SAXO2: variants seen among roughly 807,000 people sequenced by gnomAD.
SAXO2 encodes the protein stabilizer of axonemal microtubules 2.
SAXO2 carries 17 observed loss-of-function variants against 18.7 expected under a neutral mutation model. That is an observed-to-expected ratio of 0.91 (90% CI 0.62 to 1.36). The LOEUF (loss-of-function observed/expected upper bound fraction) is 1.36. Ranked by LOEUF, SAXO2 falls within the 40% of genes most tolerant of loss-of-function variation. The pLI is 0.00. For missense variants in SAXO2, 486 were observed against 562.6 expected, an observed-to-expected ratio of 0.86 and a Z score of 1.38; for synonymous variants, 163 against 181.2, an observed-to-expected ratio of 0.90 and a Z score of 0.81.
At chr15:82,266,805 A>G (rs1472418374) in intron 2 of SAXO2, among the ~76,000 whole-genome samples, 2 of 152,222 alleles carry the variant, frequency 1.3e-5, no homozygotes, top group Non-Finnish European at 2.9e-5. Context: ...AGCAGGAACT[A>G]AGTCTATTGT....
chr15:82,279,997 C>A (rs189755719), intron 3 of SAXO2, among the ~76,000 whole-genome samples: 1 of 152,142 alleles, frequency 6.6e-6, no homozygotes, highest in Non-Finnish European at 1.5e-5. Flanking sequence ...TGCCACATAA[C>A]CAAACTGTAT....
rs190726032 is a variant in SAXO2 at position 82,268,573 on chromosome 15, G to C, written c.233+2825G>C. Among the ~76,000 whole-genome samples, 32 of 152,300 alleles carry C rather than the reference G, an allele frequency of 2.1e-4. 1 individual carries two copies. The East Asian group carries it at 6.2e-3, about 29-fold the overall frequency. On this transcript the variant is annotated intron_variant, in intron 2 of 3. Coordinates refer to ENST00000682753, the MANE Select transcript of SAXO2 (RefSeq NM_001348699.2). ...ACTCTTGCTTGACTCTCTCATGTTGGCTGTGTTGACTAGGCAGTAGAAAGT... is the reference window on the plus strand; with the variant it reads ...ACTCTTGCTTGACTCTCTCATGTTGCCTGTGTTGACTAGGCAGTAGAAAGT...
intron 1 of SAXO2, chr15:82,263,220 A>G: frequency 6.8e-7 from 1 of 1,463,362 alleles, no homozygotes; most frequent in Non-Finnish European, 9.0e-7. Flanking sequence ...GCGACGGGAT[A>G]TAACGCTGGT....
rs776714245 is a variant in SAXO2 at position 82,262,835 on chromosome 15, TG to T, written c.-42del. The T allele has an allele frequency of 1.7e-5, 27 of 1,550,776 alleles. No individual in the cohort carries two copies. The highest frequency in any genetic ancestry group is 2.4e-5 in the Non-Finnish European group (27 of 1,147,126). On this transcript the variant is annotated 5_prime_UTR_variant, in exon 1 of 4. Coordinates refer to ENST00000682753, the MANE Select transcript of SAXO2 (RefSeq NM_001348699.2). ...GTTGCCTTGACTACGGCGGGCGCTG[TG>T]GGAGTGGAGAAGCTGCAAGTGCTGA...
chr15:82,265,275 G>T (rs1295867080), intron 1 of SAXO2, among the ~76,000 whole-genome samples: 4 of 152,118 alleles, frequency 2.6e-5, no homozygotes, highest in Non-Finnish European at 5.9e-5. Flanking sequence ...TGAGTAGCTG[G>T]GACTACAGGG....
At chr15:82,276,193 G>A (rs565895338) in intron 3 of SAXO2, among the ~76,000 whole-genome samples, 1 of 152,214 alleles carries the variant, frequency 6.6e-6, no homozygotes, top group African/African-American at 2.4e-5. Context: ...TCTAATGAAG[G>A]AGGTGAAAGA....
intron 3 of SAXO2, among the ~76,000 whole-genome samples, chr15:82,276,316 A>G (rs1201735882): frequency 6.6e-6 from 1 of 151,378 alleles, no homozygotes; most frequent in Non-Finnish European, 1.5e-5. Context: ...CAATCTGCAC[A>G]TTACCAATAT....
At chr15:82,264,368 A>AT (rs112443463) in intron 1 of SAXO2, among the ~76,000 whole-genome samples, 6,805 of 142,304 alleles carry the variant, frequency 0.048, 176 homozygotes, top group African/African-American at 0.081. Context: ...GCCTGCATTG[A>AT]TTTTTTTTTT....
intron 3 of SAXO2, among the ~76,000 whole-genome samples, chr15:82,281,055 A>C (rs555849288): frequency 6.6e-6 from 1 of 152,224 alleles, no homozygotes; most frequent in Admixed American, 6.5e-5. Flanking sequence ...TAAATATTGC[A>C]TAGACTTTAG....
intron 2 of SAXO2, among the ~76,000 whole-genome samples, chr15:82,266,402 A>C (rs1452977989): frequency 1.3e-5 from 2 of 152,236 alleles, no homozygotes; most frequent in African/African-American, 4.8e-5. Context: ...TTCTCTGCTT[A>C]AGATACTCTT....
At position 82,271,721 on chromosome 15, in the gene SAXO2, A is replaced by C; in HGVS notation, c.352A>C (p.Lys118Gln). Reference sequence around the variant, plus strand: ...CTACAAACGGGATTTGAATTCGTATAAAGTGCAGCCTGTGGCAATAGTCCG... The same window carrying C: ...CTACAAACGGGATTTGAATTCGTATCAAGTGCAGCCTGTGGCAATAGTCCG... ...TTYKRDLNSY[K>Q]VQPVAIVRPL... Residue 118 changes from lysine (K) to glutamine (Q), a missense_variant, in exon 3 of 4, where the codon AAA (lysine) becomes CAA (glutamine). Transcript: ENST00000682753. The C allele has an allele frequency of 6.2e-7, 1 of 1,614,188 alleles. No individual in the cohort carries two copies. The highest frequency in any genetic ancestry group is 8.5e-7 in the Non-Finnish European group (1 of 1,180,000).
intron 2 of SAXO2, among the ~76,000 whole-genome samples, chr15:82,267,406 G>C (rs1178038429): frequency 6.6e-6 from 1 of 152,208 alleles, no homozygotes; most frequent in Non-Finnish European, 1.5e-5. Flanking sequence ...TCAGTGAGCA[G>C]AGTGGTGACT....
At chr15:82,267,825 G>A (rs1235913564) in intron 2 of SAXO2, among the ~76,000 whole-genome samples, 1 of 152,100 alleles carries the variant, frequency 6.6e-6, no homozygotes, top group African/African-American at 2.4e-5. Context: ...CCATCTAGAA[G>A]TGTTAAAATT....
At chr15:82,266,726 T>C (rs1243886156) in intron 2 of SAXO2, among the ~76,000 whole-genome samples, 1 of 152,224 alleles carries the variant, frequency 6.6e-6, no homozygotes, top group Non-Finnish European at 1.5e-5. Context: ...TTAGGTAAAA[T>C]TCTTCTATGT....
chr15:82,281,322 T>G (rs2075360084), intron 3 of SAXO2, among the ~76,000 whole-genome samples: 1 of 152,224 alleles, frequency 6.6e-6, no homozygotes, highest in Non-Finnish European at 1.5e-5. Flanking sequence ...TGACCCAAAA[T>G]GCTCCACAGT....
chr15:82,270,569 TG>T (rs1328268165), intron 2 of SAXO2, among the ~76,000 whole-genome samples: 1 of 152,186 alleles, frequency 6.6e-6, no homozygotes, highest in Non-Finnish European at 1.5e-5. Flanking sequence ...GTGAGGGTTT[TG>T]GGTTTCTTTG....
Position 82,265,014 on chromosome 15 carries a change from T to C in SAXO2, c.54-555T>C. ...TTCCCTATTAGCTTTTCAGCTTCTA[T>C]AGTGTAAGAAGACACTAAATTGTTA... On this transcript the variant is annotated intron_variant, in intron 1 of 3. Transcript: ENST00000682753. The C allele has an allele frequency of 6.3e-6, 3 of 474,848 alleles. No individual in the cohort carries two copies. In the East Asian group the frequency reaches 1.0e-4, roughly 16 times the overall value. The allele number at this position is 474,848 out of a possible 1,614,324, so 29.4% of individuals were successfully genotyped here. A position where few individuals can be genotyped will look rare whatever the true frequency, so the allele number is the denominator to read the frequency against.
At chr15:82,269,573 T>C (rs2075251674) in intron 2 of SAXO2, among the ~76,000 whole-genome samples, 1 of 152,114 alleles carries the variant, frequency 6.6e-6, no homozygotes. Flanking sequence ...TTTTCTGTTT[T>C]GTTTTTTTGG....
intron 3 of SAXO2, among the ~76,000 whole-genome samples, chr15:82,277,846 A>T (rs2075328732): frequency 6.6e-6 from 1 of 152,210 alleles, no homozygotes; most frequent in South Asian, 2.1e-4. Context: ...CTGCGAGAGT[A>T]TAGAAGCTCT....
Sources: allele counts gnomAD v4.1 joint callset (sites outside exome capture counted in the v4.1 genomes callset), GRCh38; gene constraint gnomAD v4.1.1; transcripts MANE v1.5; gene names NCBI Gene and HGNC (gene_info 2026-07-23, HGNC 2026-07-21).